NOL4: variants seen among roughly 807,000 people sequenced by gnomAD.
NOL4 encodes the protein cancer/testis antigen 125.
A neutral mutation model predicts 75.9 loss-of-function variants in NOL4; 17 were observed. The observed-to-expected ratio is 0.22, with a 90% CI of 0.15 to 0.34. The LOEUF (loss-of-function observed/expected upper bound fraction) is 0.34. NOL4 is among the 10% of genes least tolerant of loss of function. NOL4 has a pLI of 1.00. For synonymous variants in NOL4, 292 were observed against 289.9 expected (o/e 1.01, Z -0.07); for missense variants, 614 against 793.5 (o/e 0.77, Z 2.72).
At chr18:33,973,021 C>G (rs895392835) in intron 6 of NOL4, among the ~76,000 whole-genome samples, 1 of 152,154 alleles carries the variant, frequency 6.6e-6, no homozygotes, top group Non-Finnish European at 1.5e-5. Context: ...TTCAAGATTT[C>G]TCTGTAACAT....
intron 1 of NOL4, among the ~76,000 whole-genome samples, chr18:34,176,729 A>G (rs1311713375): frequency 6.6e-6 from 1 of 152,134 alleles, no homozygotes; most frequent in African/African-American, 2.4e-5. Context: ...CAAGCCAGGA[A>G]GAGAGCTCTC....
intron 4 of NOL4, among the ~76,000 whole-genome samples, chr18:34,094,137 T>C (rs2078658353): frequency 6.6e-6 from 1 of 152,194 alleles, no homozygotes; most frequent in Non-Finnish European, 1.5e-5. Context: ...AATGATTTTA[T>C]AGTAAATACT....
intron 10 of NOL4, among the ~76,000 whole-genome samples, chr18:33,865,594 C>A (rs1193831611): frequency 6.6e-6 from 1 of 152,076 alleles, no homozygotes; most frequent in Non-Finnish European, 1.5e-5. Context: ...ATGCATCCAC[C>A]TGAGAATTTG....
intron 6 of NOL4, among the ~76,000 whole-genome samples, chr18:33,976,979 T>G (rs1364345150): frequency 2.6e-5 from 4 of 152,170 alleles, no homozygotes; most frequent in Non-Finnish European, 5.9e-5. Flanking sequence ...ACTCTTAGGT[T>G]GCATATAGAA....
Position 33,862,216 on chromosome 18 carries a change from T to C in NOL4, c.1724-9181A>G, listed in dbSNP as rs577451056. On this transcript the variant is annotated intron_variant, in intron 10 of 10. Coordinates refer to ENST00000261592, the MANE Select transcript of NOL4 (RefSeq NM_003787.5). ...TGGTGCTGGGAAAACTGGCTAGCCA[T>C]ATGTAGAAAGCTGAAACTGGATCCC... is the stretch of plus-strand genomic sequence containing the variant. Among the ~76,000 whole-genome samples, 79 of 152,160 alleles carry C rather than the reference T, an allele frequency of 5.2e-4. 1 individual carries two copies. Among genetic ancestry groups the C allele is most frequent in the Non-Finnish European group, 2.5e-4 (17 of 67,986 alleles).
intron 9 of NOL4, among the ~76,000 whole-genome samples, chr18:33,901,016 T>G (rs1335255550): frequency 6.6e-6 from 1 of 152,176 alleles, no homozygotes; most frequent in East Asian, 1.9e-4. Flanking sequence ...CTCAAATGCT[T>G]TGCAAGTTCA....
chr18:33,881,708 A>C (rs750855412), intron 10 of NOL4, among the ~76,000 whole-genome samples: 1 of 152,180 alleles, frequency 6.6e-6, no homozygotes, highest in Admixed American at 6.5e-5. Flanking sequence ...AAACTACTTT[A>C]AAGTTCATAT....
intron 1 of NOL4, among the ~76,000 whole-genome samples, chr18:34,210,083 T>C (rs2036412110): frequency 1.3e-5 from 2 of 152,206 alleles, no homozygotes; most frequent in African/African-American, 4.8e-5. Flanking sequence ...AAGTTAAAGT[T>C]GGAAGGCATA....
At chr18:34,094,585 A>C (rs1397931830) in intron 4 of NOL4, among the ~76,000 whole-genome samples, 2 of 152,222 alleles carry the variant, frequency 1.3e-5, no homozygotes, top group Non-Finnish European at 2.9e-5. Context: ...CGTTTGGAGA[A>C]CTGATTTTTG....
At chr18:33,932,797 A>G (rs1039186400) in intron 9 of NOL4, among the ~76,000 whole-genome samples, 6 of 152,086 alleles carry the variant, frequency 3.9e-5, no homozygotes, top group African/African-American at 1.4e-4. Context: ...AAATTTTTTC[A>G]ACTTTTCTGA....
chr18:34,079,899 C>T (rs962346413), intron 5 of NOL4, among the ~76,000 whole-genome samples: 3 of 152,174 alleles, frequency 2.0e-5, no homozygotes, highest in Non-Finnish European at 4.4e-5. Context: ...TCTACTTAAA[C>T]ACTCAAAAGC....
intron 10 of NOL4, among the ~76,000 whole-genome samples, chr18:33,870,729 C>T (rs1254728085): frequency 2.0e-5 from 3 of 151,578 alleles, no homozygotes; most frequent in Non-Finnish European, 1.5e-5. Context: ...TAATATTGTC[C>T]CAAATAACAC....
intron 10 of NOL4, among the ~76,000 whole-genome samples, chr18:33,874,976 T>C (rs971278304): frequency 1.3e-5 from 2 of 151,952 alleles, no homozygotes; most frequent in South Asian, 4.1e-4. Context: ...AAACTAGAAA[T>C]TGCCATACAA....
chr18:33,995,480 C>A (rs2073210960), intron 6 of NOL4, among the ~76,000 whole-genome samples: 3 of 151,480 alleles, frequency 2.0e-5, no homozygotes, highest in Admixed American at 1.3e-4. Context: ...ATCATATCAA[C>A]AGAATAAAAA....
At chr18:33,893,185 A>G (rs1045218099) in intron 9 of NOL4, among the ~76,000 whole-genome samples, 1 of 152,106 alleles carries the variant, frequency 6.6e-6, no homozygotes, top group Non-Finnish European at 1.5e-5. Context: ...TATATTCTTG[A>G]TATGTATCAA....
chr18:34,054,946 T>G (rs1343368711), intron 5 of NOL4, among the ~76,000 whole-genome samples: 1 of 149,288 alleles, frequency 6.7e-6, no homozygotes, highest in Non-Finnish European at 1.5e-5. Context: ...TATTAATATA[T>G]TCTATATTGC....
At chr18:33,871,162 G>C (rs1274492662) in intron 10 of NOL4, among the ~76,000 whole-genome samples, 1 of 151,974 alleles carries the variant, frequency 6.6e-6, no homozygotes, top group Non-Finnish European at 1.5e-5. Flanking sequence ...AATCACAAAA[G>C]AAGATGTTAG....
intron 9 of NOL4, among the ~76,000 whole-genome samples, chr18:33,907,759 T>C (rs1329332092): frequency 6.6e-6 from 1 of 152,144 alleles, no homozygotes; most frequent in African/African-American, 2.4e-5. Context: ...TTGTGACACA[T>C]AAAGGAGCTT....
intron 1 of NOL4, among the ~76,000 whole-genome samples, chr18:34,133,079 C>A (rs1053451165): frequency 2.0e-5 from 3 of 151,854 alleles, no homozygotes; most frequent in Admixed American, 6.6e-5. Flanking sequence ...TCGAGACCAG[C>A]CTGACCAACA....
Sources: gnomAD v4.1 joint callset for allele counts (sites outside exome capture counted in the v4.1 genomes callset) on GRCh38, gnomAD v4.1.1 for gene constraint, MANE v1.5 for transcripts, NCBI Gene and HGNC (gene_info 2026-07-23, HGNC 2026-07-21) for gene names.